Variants in CDC20B observed in about 807,000 individuals in gnomAD.
CDC20B encodes the protein cell division cycle protein 20 homolog B.
CDC20B carries 58 observed loss-of-function variants against 64.1 expected under a neutral mutation model. The ratio of observed to expected loss-of-function variants is 0.90; its 90% CI spans 0.73 to 1.13. The LOEUF is 1.13. Among genes scored for constraint, CDC20B ranks in the 50% most tolerant of loss-of-function variants. The probability of loss-of-function intolerance (pLI) is 0.00; values close to 1 mark genes in which losing one functional copy is unlikely to be tolerated. For synonymous variants in CDC20B, 243 were observed against 230.6 expected, an observed-to-expected ratio of 1.05 and a Z score of -0.49; for missense variants, 597 against 633.0, an observed-to-expected ratio of 0.94 and a Z score of 0.61.
intron 2 of CDC20B, among the ~76,000 whole-genome samples, chr5:55,149,469 A>G (rs1743598413): frequency 6.6e-6 from 1 of 152,236 alleles, no homozygotes; most frequent in South Asian, 2.1e-4. Context: ...CAACAGATGA[A>G]TGCATAAACA....
intron 9 of CDC20B, among the ~76,000 whole-genome samples, chr5:55,123,829 G>A (rs756429156): frequency 2.0e-5 from 3 of 152,084 alleles, no homozygotes; most frequent in Non-Finnish European, 2.9e-5. Flanking sequence ...AATTTGGACC[G>A]ATCATCATTC....
At chr5:55,125,662 T>C (rs1742868108) in intron 8 of CDC20B, among the ~76,000 whole-genome samples, 1 of 152,238 alleles carries the variant, frequency 6.6e-6, no homozygotes, top group Non-Finnish European at 1.5e-5. Context: ...TCACATCACT[T>C]TTTCAAAGAT....
At chr5:55,127,428 A>T in intron 7 of CDC20B, 77 bp from the exon 8 acceptor site, 1 of 1,100,504 alleles carries the variant, frequency 9.1e-7, no homozygotes, top group South Asian at 1.3e-5. Flanking sequence ...CCTGAGAGCC[A>T]ATTACTGCTG....
intron 11 of CDC20B, among the ~76,000 whole-genome samples, chr5:55,115,899 C>A (rs963683744): frequency 6.6e-6 from 1 of 152,190 alleles, no homozygotes; most frequent in Non-Finnish European, 1.5e-5. Context: ...CACACGCACA[C>A]ACACACCACA....
At position 55,161,172 on chromosome 5, in the gene CDC20B, A is replaced by G. The variant is rs772374267; in HGVS notation, c.126+11416T>C. The G allele has an allele frequency of 3.7e-6, 6 of 1,614,220 alleles. No homozygotes were observed. The East Asian group carries it at 1.3e-4, about 36-fold the overall frequency. ...AAGGAAGTAGAATCTTTTGCAAGAAAAAACTACGGAGTAACTTTCCCCATC... is the reference window on the plus strand; with the variant it reads ...AAGGAAGTAGAATCTTTTGCAAGAAGAAACTACGGAGTAACTTTCCCCATC... On this transcript the variant is annotated intron_variant, in intron 2 of 11. Coordinates refer to ENST00000381375, the MANE Select transcript of CDC20B (RefSeq NM_001170402.1).
At chr5:55,160,171 C>T (rs1405178831) in intron 2 of CDC20B, 2 of 1,592,278 alleles carry the variant, frequency 1.3e-6, no homozygotes, top group South Asian at 2.2e-5. Context: ...GCTGCTGAGA[C>T]TTCCCTCTAG....
At chr5:55,135,270 G>A (rs576452513) in intron 5 of CDC20B, among the ~76,000 whole-genome samples, 1 of 151,948 alleles carries the variant, frequency 6.6e-6, no homozygotes, top group Non-Finnish European at 1.5e-5. Context: ...AAGAGAGAGG[G>A]AGAGAGAGAG....
intron 2 of CDC20B, chr5:55,163,914 T>C: frequency 3.7e-6 from 2 of 540,474 alleles, no homozygotes; most frequent in Non-Finnish European, 6.0e-6. Flanking sequence ...GAGTTTCACT[T>C]CGTTTGGGTG....
chr5:55,121,630 CA>C (rs1742758589), intron 9 of CDC20B, among the ~76,000 whole-genome samples: 1 of 152,012 alleles, frequency 6.6e-6, no homozygotes, highest in Non-Finnish European at 1.5e-5. Context: ...TTCCAAGGTT[CA>C]AAAGAGTTGA....
chr5:55,161,386 C>G (rs1429490988), intron 2 of CDC20B: 12 of 860,202 alleles, frequency 1.4e-5, no homozygotes, highest in African/African-American at 3.4e-5. Flanking sequence ...ATCAAAGAGC[C>G]AGAATCTCAT....
At chr5:55,145,898 C>A (rs914307604) in intron 3 of CDC20B, among the ~76,000 whole-genome samples, 5 of 151,682 alleles carry the variant, frequency 3.3e-5, no homozygotes, top group Admixed American at 1.3e-4. Context: ...TCTGATTATT[C>A]CATTACTAAC....
At chr5:55,129,271 T>C (rs1222402429) in intron 6 of CDC20B, among the ~76,000 whole-genome samples, 1 of 152,078 alleles carries the variant, frequency 6.6e-6, no homozygotes. Flanking sequence ...TCCGTCCCCA[T>C]GATAAATATA....
intron 2 of CDC20B, chr5:55,160,459 A>C: frequency 3.7e-6 from 5 of 1,358,968 alleles, no homozygotes; most frequent in Non-Finnish European, 5.2e-6. Context: ...ATTCCTCTTA[A>C]TAAAATCAAT....
intron 2 of CDC20B, among the ~76,000 whole-genome samples, chr5:55,155,866 A>G (rs979482541): frequency 4.6e-5 from 7 of 152,160 alleles, no homozygotes; most frequent in African/African-American, 1.7e-4. Flanking sequence ...CAGTACACAC[A>G]GAAAAGCCTT....
At chr5:55,131,865 G>C (rs1402486815) in intron 6 of CDC20B, among the ~76,000 whole-genome samples, 3 of 152,150 alleles carry the variant, frequency 2.0e-5, no homozygotes, top group Non-Finnish European at 4.4e-5. Flanking sequence ...AGGAGTTCGA[G>C]ACTAGCCTGG....
chr5:55,171,628 G>T (rs1744602837), intron 2 of CDC20B, among the ~76,000 whole-genome samples: 1 of 151,976 alleles, frequency 6.6e-6, no homozygotes, highest in African/African-American at 2.4e-5. Context: ...TAAGAGGCAG[G>T]GTCTGGCTCT....
At chr5:55,154,691 A>G (rs1254014603) in intron 2 of CDC20B, among the ~76,000 whole-genome samples, 1 of 152,218 alleles carries the variant, frequency 6.6e-6, no homozygotes, top group Admixed American at 6.5e-5. Flanking sequence ...CAGTTTGAAT[A>G]TAAAGTAAAA....
At chr5:55,125,294 A>G (rs1742856857) in intron 8 of CDC20B, among the ~76,000 whole-genome samples, 1 of 152,196 alleles carries the variant, frequency 6.6e-6, no homozygotes. Context: ...AATCTGATGT[A>G]AGCAGCGATG....
intron 8 of CDC20B, among the ~76,000 whole-genome samples, chr5:55,125,533 A>G (rs575349294): frequency 6.6e-6 from 1 of 152,346 alleles, no homozygotes; most frequent in Admixed American, 6.5e-5. Context: ...AAAGAACTAA[A>G]CTTCTTTGTA....
Sources: allele counts gnomAD v4.1 joint callset (sites outside exome capture counted in the v4.1 genomes callset), GRCh38; gene constraint gnomAD v4.1.1; transcripts MANE v1.5; gene names NCBI Gene and HGNC (gene_info 2026-07-23, HGNC 2026-07-21).